RAD51: variants seen among roughly 807,000 people sequenced by gnomAD.
RAD51 encodes the protein RAD51 recombinase.
RAD51 carries 14 observed loss-of-function variants against 41.5 expected under a neutral mutation model. The observed-to-expected ratio is 0.34, with a 90% CI of 0.22 to 0.53. The LOEUF is 0.53. RAD51 is among the 20% of genes least tolerant of loss of function. RAD51 has a pLI of 0.95. For missense variants in RAD51, 234 were observed against 422.0 expected (o/e 0.55, Z 3.90); for synonymous variants, 136 against 148.6 (o/e 0.92, Z 0.62).
At chr15:40,697,368 T>C (rs968338285) in intron 1 of RAD51, among the ~76,000 whole-genome samples, 10 of 152,140 alleles carry the variant, frequency 6.6e-5, no homozygotes, top group African/African-American at 2.2e-4. Flanking sequence ...CCTCCCAAAG[T>C]GCTGGGATTG....
chr15:40,719,790 C>G (rs902158050), intron 6 of RAD51, among the ~76,000 whole-genome samples: 1 of 151,816 alleles, frequency 6.6e-6, no homozygotes, highest in African/African-American at 2.4e-5. Context: ...CGAGATCGCG[C>G]CACTGCACTC....
In RAD51 at chr15:40,712,838, C is replaced by T. The variant is rs75574348; in HGVS notation, c.435+3722C>T. On this transcript the variant is annotated intron_variant, in intron 5 of 9. Transcript: ENST00000267868. ...AGGCTTCCTAGTGTTTTTCTATCCT[C>T]GGGACTCAACTCTGTTGAGTTTTTT... Among the ~76,000 whole-genome samples, 115 of 149,722 alleles carry T rather than the reference C, an allele frequency of 7.7e-4. 3 individuals are homozygous for T. The East Asian group carries it at 0.02, about 27-fold the overall frequency.
intron 3 of RAD51, among the ~76,000 whole-genome samples, chr15:40,704,448 G>A (rs577296273): frequency 3.0e-3 from 446 of 147,236 alleles, no homozygotes; most frequent in Middle Eastern, 0.014. Context: ...TGCAACCTCC[G>A]CCGCCCGGGT....
chr15:40,712,877 CTTTT>C (rs398039433), intron 5 of RAD51, among the ~76,000 whole-genome samples: 3 of 103,912 alleles, frequency 2.9e-5, no homozygotes, highest in East Asian at 6.4e-4. Context: ...CTTTTCTTTT[CTTTT>C]TTTTTTTTTT....
chr15:40,716,043 G>A (rs1895969520), intron 5 of RAD51, among the ~76,000 whole-genome samples: 1 of 152,166 alleles, frequency 6.6e-6, no homozygotes, highest in African/African-American at 2.4e-5. Context: ...CTGCCAAATA[G>A]TAACGTAATT....
At chr15:40,721,905 A>C (rs1039910822) in intron 6 of RAD51, among the ~76,000 whole-genome samples, 5 of 152,228 alleles carry the variant, frequency 3.3e-5, no homozygotes, top group Non-Finnish European at 7.3e-5. Flanking sequence ...TACTCACAAT[A>C]GCTTTGGAAA....
chr15:40,729,136 G>T (rs560555039), intron 7 of RAD51, among the ~76,000 whole-genome samples: 1 of 152,102 alleles, frequency 6.6e-6, no homozygotes, highest in Admixed American at 6.6e-5. Flanking sequence ...ACTTTGGGAG[G>T]CCAAGGCGGG....
chr15:40,731,034 T>G (rs1896855605), intron 9 of RAD51, 21 bp from the exon 10 acceptor site: 1 of 1,614,014 alleles, frequency 6.2e-7, no homozygotes, highest in Non-Finnish European at 8.5e-7. Context: ...ATTGGTGCTT[T>G]GGTCTGTGTC....
chr15:40,721,577 A>G (rs1441650288), intron 6 of RAD51, among the ~76,000 whole-genome samples: 1 of 152,154 alleles, frequency 6.6e-6, no homozygotes, highest in Non-Finnish European at 1.5e-5. Flanking sequence ...TCCTGGCCTC[A>G]GGTGATCATC....
intron 9 of RAD51, 58 bp from the exon 10 acceptor site, chr15:40,730,997 A>G: frequency 5.6e-6 from 9 of 1,610,604 alleles, no homozygotes; most frequent in Non-Finnish European, 6.8e-6. Flanking sequence ...TTACAAAGTC[A>G]GGAACGGAAT....
rs45521741 is a variant in RAD51, at chr15:40,723,729, T to C, written c.530+4830T>C. Among the ~76,000 whole-genome samples, 1,360 of 152,248 alleles carry C rather than the reference T, an allele frequency of 8.9e-3. 17 individuals are homozygous for C. Among genetic ancestry groups the C allele is most frequent in the African/African-American group, 0.032 (1,310 of 41,542 alleles). ...GTGATGAAAATGCTCTAAAATTGGA[T>C]TGTGTTCATGGTTATACAACTCTGC... On this transcript the variant is annotated intron_variant, in intron 6 of 9. Transcript: ENST00000267868.
chr15:40,701,340 TTTC>T (rs1248277402), intron 3 of RAD51, 139 bp downstream of exon 3: 7 of 949,214 alleles, frequency 7.4e-6, no homozygotes, highest in African/African-American at 3.4e-5. Flanking sequence ...ACCTGTTTCT[TTTC>T]TTCTTTTCTT....
chr15:40,710,524 A>G (rs1160522882), intron 5 of RAD51, among the ~76,000 whole-genome samples: 2 of 148,748 alleles, frequency 1.3e-5, no homozygotes, highest in African/African-American at 5.0e-5. Flanking sequence ...AAAAAAAAAA[A>G]GAATGAAAAA....
chr15:40,708,014 C>CTTT (rs35792895), intron 4 of RAD51, among the ~76,000 whole-genome samples: 45 of 115,862 alleles, frequency 3.9e-4, no homozygotes, highest in Admixed American at 4.7e-4. Flanking sequence ...CTGTGCCCAG[C>CTTT]TTTTTTTTTT....
At position 40,695,251 on chromosome 15, in the gene RAD51, G is replaced by C. The variant is rs1398478652; in HGVS notation, c.-177G>C. 1.3e-5 allele frequency: 2 copies of C among 152,358 alleles called. No homozygotes were observed. The highest frequency in any genetic ancestry group is 6.5e-5 in the Admixed American group (1 of 15,292). The allele number at this position is 152,358 out of a possible 1,614,324, so 9.4% of individuals were successfully genotyped here. A position where few individuals can be genotyped will look rare whatever the true frequency, so the allele number is the denominator to read the frequency against. On this transcript the variant is annotated 5_prime_UTR_variant, in exon 1 of 10. Transcript: ENST00000267868. ...AGGAGAGTGCGGCGCTTCCCGAGGC[G>C]TGCAGCTGGGAACTGCAACTCATCT...
intron 5 of RAD51, among the ~76,000 whole-genome samples, chr15:40,711,884 G>A (rs967610105): frequency 1.3e-5 from 2 of 152,080 alleles, no homozygotes; most frequent in African/African-American, 4.8e-5. Context: ...AGACCAGCCT[G>A]GGCAACATGG....
chr15:40,709,670 G>GC (rs1297218677), intron 5 of RAD51, among the ~76,000 whole-genome samples: 1 of 151,938 alleles, frequency 6.6e-6, no homozygotes, highest in African/African-American at 2.4e-5. Flanking sequence ...ACTGCGCCCA[G>GC]CCCTCCATCT....
chr15:40,721,310 C>T (rs1896258815), intron 6 of RAD51, among the ~76,000 whole-genome samples: 2 of 151,866 alleles, frequency 1.3e-5, no homozygotes, highest in African/African-American at 4.8e-5. Context: ...CGTGGAAATG[C>T]AAAGGACCCA....
At chr15:40,727,103 C>T (rs936553535) in intron 6 of RAD51, among the ~76,000 whole-genome samples, 2 of 151,580 alleles carry the variant, frequency 1.3e-5, no homozygotes, top group African/African-American at 4.9e-5. Context: ...AGATAATCTC[C>T]CTTTCTTTTT....
Sources: gnomAD v4.1 joint callset for allele counts (sites outside exome capture counted in the v4.1 genomes callset) on GRCh38, gnomAD v4.1.1 for gene constraint, MANE v1.5 for transcripts, NCBI Gene and HGNC (gene_info 2026-07-23, HGNC 2026-07-21) for gene names.